UTRN: variants seen among roughly 807,000 people sequenced by gnomAD.
UTRN encodes utrophin.
In UTRN, 283 loss-of-function variants were observed where a neutral mutation model predicts 463.9. The ratio of observed to expected loss-of-function variants is 0.61; its 90% CI spans 0.55 to 0.67. UTRN has a LOEUF of 0.67. Among genes scored for constraint, UTRN ranks in the 30% least tolerant of loss-of-function variants. The pLI, the probability that UTRN is intolerant of heterozygous loss-of-function variation, is 0.00. For synonymous variants in UTRN, 1,442 were observed against 1,431.5 expected (o/e 1.01, Z -0.17); for missense variants, 3,922 against 4,084.3 (o/e 0.96, Z 1.08).
chr6:144,496,971 G>A (rs1793707946), intron 33 of UTRN, among the ~76,000 whole-genome samples: 1 of 152,208 alleles, frequency 6.6e-6, no homozygotes, highest in South Asian at 2.1e-4. Context: ...GAGAGCCAGT[G>A]TGAGGAACAT....
At chr6:144,478,186 T>G (rs1411725165) in intron 25 of UTRN, among the ~76,000 whole-genome samples, 1 of 152,204 alleles carries the variant, frequency 6.6e-6, no homozygotes, top group Middle Eastern at 3.2e-3. Context: ...ATTTCATCTA[T>G]TATATTCATG....
At chr6:144,520,723 A>C (rs1384804279) in intron 39 of UTRN, among the ~76,000 whole-genome samples, 1 of 152,178 alleles carries the variant, frequency 6.6e-6, no homozygotes, top group African/African-American at 2.4e-5. Context: ...GATTGTAACC[A>C]TTTTCAAGAT....
At position 144,458,939 on chromosome 6, in the gene UTRN, G is replaced by C; in HGVS notation, c.2454G>C (p.Glu818Asp). 1 of 1,613,748 alleles carries C rather than the reference G, an allele frequency of 6.2e-7. No individual in the cohort carries two copies. Among genetic ancestry groups the C allele is most frequent in the African/African-American group, 1.3e-5 (1 of 74,988 alleles). Residue 818 changes from glutamate to aspartate, a missense_variant, in exon 20 of 75, where the codon GAG (glutamate) becomes GAC (aspartate). Around this residue, in one of 3 missense-constraint regions of UTRN, gnomAD observed 2,349 missense variants for 2,303.8 expected, o/e 1.02. Transcript: ENST00000367545. The part of the protein sequence containing the change: ...DELEKVIKTK[E>D]EWVKHTSISE... ...TTGAAAAGGTCATCAAGACAAAGGAGGAGTGGGTAAAACACACTTCCATTT... is the reference window on the plus strand; with the variant it reads ...TTGAAAAGGTCATCAAGACAAAGGACGAGTGGGTAAAACACACTTCCATTT...
At chr6:144,739,154 T>C (rs1279985615) in intron 54 of UTRN, among the ~76,000 whole-genome samples, 1 of 152,172 alleles carries the variant, frequency 6.6e-6, no homozygotes, top group East Asian at 1.9e-4. Context: ...GGTATACTGT[T>C]TAATTTTTAA....
intron 60 of UTRN, among the ~76,000 whole-genome samples, chr6:144,774,701 T>C (rs1775158240): frequency 6.6e-6 from 1 of 152,224 alleles, no homozygotes; most frequent in Admixed American, 6.5e-5. Flanking sequence ...TTTGCCCATT[T>C]GGCAATGTAG....
At chr6:144,551,391 AG>A (rs1562562270) in intron 48 of UTRN, among the ~76,000 whole-genome samples, 1 of 152,188 alleles carries the variant, frequency 6.6e-6, no homozygotes, top group Non-Finnish European at 1.5e-5. Context: ...GAATAAAAAA[AG>A]GTTAAAGGAA....
chr6:144,763,358 T>G (rs1792923664), intron 58 of UTRN, among the ~76,000 whole-genome samples: 1 of 152,208 alleles, frequency 6.6e-6, no homozygotes, highest in Admixed American at 6.6e-5. Flanking sequence ...CTTGTGCCCA[T>G]TATTGATAAT....
chr6:144,508,126 T>C (rs1056424339), intron 34 of UTRN, among the ~76,000 whole-genome samples: 1 of 152,180 alleles, frequency 6.6e-6, no homozygotes. Context: ...TTCAGACTGC[T>C]GTCCTGGCAG....
chr6:144,733,391 C>T (rs1788983421), intron 54 of UTRN, among the ~76,000 whole-genome samples: 1 of 151,930 alleles, frequency 6.6e-6, no homozygotes, highest in Non-Finnish European at 1.5e-5. Context: ...GTGGTGCATG[C>T]CTGCAGTCCC....
At chr6:144,319,682 C>T (rs1399443839) in intron 2 of UTRN, among the ~76,000 whole-genome samples, 1 of 152,180 alleles carries the variant, frequency 6.6e-6, no homozygotes, top group East Asian at 1.9e-4. Flanking sequence ...ATCCTCCCAT[C>T]TCAACCTTCA....
intron 51 of UTRN, among the ~76,000 whole-genome samples, chr6:144,657,845 A>G (rs1779487716): frequency 6.6e-6 from 1 of 152,124 alleles, no homozygotes; most frequent in Admixed American, 6.5e-5. Context: ...CCCAGCTGAG[A>G]AAGATTGTTC....
intron 2 of UTRN, among the ~76,000 whole-genome samples, chr6:144,301,470 C>A (rs539940692): frequency 6.7e-6 from 1 of 149,764 alleles, no homozygotes; most frequent in African/African-American, 2.4e-5. Flanking sequence ...GAGAGGGGGT[C>A]TCTCTGCATA....
chr6:144,525,262 A>G (rs951846565), intron 41 of UTRN, among the ~76,000 whole-genome samples: 2 of 152,086 alleles, frequency 1.3e-5, no homozygotes, highest in African/African-American at 2.4e-5. Context: ...TAGGATTGGT[A>G]CCAATTCTTC....
At chr6:144,738,374 C>T (rs1789673728) in intron 54 of UTRN, among the ~76,000 whole-genome samples, 1 of 152,176 alleles carries the variant, frequency 6.6e-6, no homozygotes, top group Admixed American at 6.5e-5. Context: ...CCCACCCCTA[C>T]CCCCAAACCT....
At chr6:144,571,223 T>C (rs1165934262) in intron 50 of UTRN, among the ~76,000 whole-genome samples, 1 of 152,082 alleles carries the variant, frequency 6.6e-6, no homozygotes, top group Non-Finnish European at 1.5e-5. Flanking sequence ...TCTTAATGTT[T>C]TTTCTGTTGA....
chr6:144,700,035 G>T, intron 52 of UTRN, 52 bp from the exon 53 acceptor site: 1 of 1,506,232 alleles, frequency 6.6e-7, no homozygotes, highest in Admixed American at 2.0e-5. Context: ...TTTTGTGAAT[G>T]TAATTTGCAT....
intron 65 of UTRN, 115 bp from the exon 66 acceptor site, chr6:144,820,767 A>C: frequency 7.5e-7 from 1 of 1,339,066 alleles, no homozygotes. Context: ...AATGCATAAA[A>C]CTACCAAAAC....
intron 53 of UTRN, among the ~76,000 whole-genome samples, chr6:144,730,103 A>G (rs901117917): frequency 6.6e-6 from 1 of 152,226 alleles, no homozygotes; most frequent in African/African-American, 2.4e-5. Context: ...ACACTGTAAC[A>G]ATTTCCCTTA....
In UTRN at chr6:144,852,773, C is replaced by T. The variant is rs1782554956; in HGVS notation, c.*1776C>T. On this transcript the variant is annotated 3_prime_UTR_variant, in exon 75 of 75. Coordinates refer to ENST00000367545, the MANE Select transcript of UTRN (RefSeq NM_007124.3). ...AGATTTGGTGTCTTCCTTGTTCTTA[C>T]TTTAAAAAGTCATGTGTTAATTTTT... 6.6e-6 allele frequency: 1 copy of T among 152,564 alleles called. No individual in the cohort carries two copies. The highest frequency in any genetic ancestry group is 1.5e-5 in the Non-Finnish European group (1 of 68,016). The allele number at this position is 152,564 out of a possible 1,614,324, so 9.5% of individuals were successfully genotyped here.
Sources: gnomAD v4.1 joint callset for allele counts (sites outside exome capture counted in the v4.1 genomes callset) on GRCh38, gnomAD v4.1.1 for gene constraint, gnomAD v4.1.1 regional missense constraint, MANE v1.5 for transcripts, NCBI Gene and HGNC (gene_info 2026-07-23, HGNC 2026-07-21) for gene names.